ST8SIA1: variants seen among roughly 807,000 people sequenced by gnomAD.
The protein encoded by ST8SIA1 is ST8 alpha-N-acetyl-neuraminide alpha-2,8-sialyltransferase 1, also known as alpha-N-acetylneuraminide alpha-2,8-sialyltransferase.
Under a neutral mutation model 35.9 loss-of-function variants are expected in ST8SIA1, and 16 were observed. That is an observed-to-expected ratio of 0.45 (90% CI 0.30 to 0.68). The LOEUF (loss-of-function observed/expected upper bound fraction) is 0.68. ST8SIA1 is among the 30% of genes least tolerant of loss of function. The probability of loss-of-function intolerance (pLI) is 0.09; values close to 1 mark genes in which losing one functional copy is unlikely to be tolerated. For synonymous variants in ST8SIA1, 170 were observed against 169.6 expected (o/e 1.00, Z -0.02); for missense variants, 383 against 453.6 (o/e 0.84, Z 1.41).
intron 4 of ST8SIA1, among the ~76,000 whole-genome samples, chr12:22,238,893 C>T (rs753258861): frequency 1.3e-5 from 2 of 152,036 alleles, no homozygotes; most frequent in Non-Finnish European, 2.9e-5. Flanking sequence ...TTCAGATTTT[C>T]TCTCAATGAA....
chr12:22,295,780 A>G (rs1272239837), intron 1 of ST8SIA1, among the ~76,000 whole-genome samples: 1 of 152,194 alleles, frequency 6.6e-6, no homozygotes, highest in East Asian at 1.9e-4. Flanking sequence ...AAGGCTGAAC[A>G]AAGAGACCCA....
chr12:22,214,573 T>A (rs1865214275), intron 4 of ST8SIA1, among the ~76,000 whole-genome samples: 1 of 144,286 alleles, frequency 6.9e-6, no homozygotes, highest in Non-Finnish European at 1.5e-5. Context: ...CAGGCCGGAT[T>A]TGGCTTGTTG....
intron 4 of ST8SIA1, among the ~76,000 whole-genome samples, chr12:22,230,934 C>T (rs2120693111): frequency 6.6e-6 from 1 of 152,086 alleles, no homozygotes; most frequent in Non-Finnish European, 1.5e-5. Flanking sequence ...TCTCTTGGGC[C>T]ACTGCCTCTG....
chr12:22,239,131 T>C (rs1482039151), intron 4 of ST8SIA1, among the ~76,000 whole-genome samples: 6 of 152,228 alleles, frequency 3.9e-5, no homozygotes, highest in Admixed American at 3.9e-4. Context: ...TCTTTCTGTC[T>C]GCTTTTATAA....
chr12:22,252,416 T>C (rs188529732), intron 3 of ST8SIA1, among the ~76,000 whole-genome samples: 2 of 152,238 alleles, frequency 1.3e-5, no homozygotes, highest in South Asian at 2.1e-4. Context: ...GATTTATTAA[T>C]AGATCTGCAA....
intron 4 of ST8SIA1, among the ~76,000 whole-genome samples, chr12:22,236,007 T>A (rs1422539808): frequency 1.3e-5 from 2 of 152,084 alleles, no homozygotes; most frequent in African/African-American, 4.8e-5. Context: ...TAAGAGAGAA[T>A]TAAGGGGAAA....
chr12:22,235,891 A>G (rs1865471530), intron 4 of ST8SIA1, among the ~76,000 whole-genome samples: 2 of 79,622 alleles, frequency 2.5e-5, no homozygotes, highest in African/African-American at 7.3e-5. Flanking sequence ...CATTCCCTTC[A>G]CCACACACAC....
intron 1 of ST8SIA1, among the ~76,000 whole-genome samples, chr12:22,290,236 C>G (rs1475411479): frequency 6.6e-6 from 1 of 152,158 alleles, no homozygotes; most frequent in East Asian, 1.9e-4. Context: ...TCTGCCATGA[C>G]CATCTCTGGA....
chr12:22,224,975 A>C (rs761545763), intron 4 of ST8SIA1, among the ~76,000 whole-genome samples: 1 of 152,230 alleles, frequency 6.6e-6, no homozygotes, highest in Non-Finnish European at 1.5e-5. Flanking sequence ...AAGAAAAAAC[A>C]GTGACATAGA....
chr12:22,207,383 GA>G (rs1184597543), intron 4 of ST8SIA1, among the ~76,000 whole-genome samples: 1 of 152,236 alleles, frequency 6.6e-6, no homozygotes, highest in Non-Finnish European at 1.5e-5. Context: ...AGGAGCACAT[GA>G]AGAGAACTCA....
chr12:22,293,907 A>G (rs1866211424), intron 1 of ST8SIA1, among the ~76,000 whole-genome samples: 1 of 152,246 alleles, frequency 6.6e-6, no homozygotes, highest in African/African-American at 2.4e-5. Flanking sequence ...CTACATAGAA[A>G]TCAGAGAAGT....
At chr12:22,273,253 T>C (rs138877709) in intron 2 of ST8SIA1, among the ~76,000 whole-genome samples, 104 of 152,344 alleles carry the variant, frequency 6.8e-4, no homozygotes, top group African/African-American at 2.5e-3. Flanking sequence ...TTTCCTCTGA[T>C]TGATCCCCAC....
At chr12:22,264,166 T>C (rs1306115117) in intron 2 of ST8SIA1, among the ~76,000 whole-genome samples, 1 of 152,176 alleles carries the variant, frequency 6.6e-6, no homozygotes, top group Non-Finnish European at 1.5e-5. Flanking sequence ...CCCTGCCTCA[T>C]ATTTAATTAT....
At chr12:22,257,587 G>A (rs1865742827) in intron 2 of ST8SIA1, among the ~76,000 whole-genome samples, 1 of 151,748 alleles carries the variant, frequency 6.6e-6, no homozygotes, top group Admixed American at 6.6e-5. Flanking sequence ...AATTCCTGCA[G>A]GAGATGAGGT....
At chr12:22,331,068 A>G (rs1039897948) in intron 1 of ST8SIA1, among the ~76,000 whole-genome samples, 3 of 152,218 alleles carry the variant, frequency 2.0e-5, no homozygotes, top group African/African-American at 7.2e-5. Context: ...GCAGTTTGAC[A>G]AGGTTCTTCT....
At chr12:22,204,742 A>C (rs1342296659) in intron 4 of ST8SIA1, among the ~76,000 whole-genome samples, 1 of 152,204 alleles carries the variant, frequency 6.6e-6, no homozygotes, top group South Asian at 2.1e-4. Flanking sequence ...TTTTATTGAC[A>C]GTTATTATTT....
intron 1 of ST8SIA1, among the ~76,000 whole-genome samples, chr12:22,291,686 G>A (rs1866178837): frequency 6.6e-6 from 1 of 152,022 alleles, no homozygotes; most frequent in Non-Finnish European, 1.5e-5. Flanking sequence ...GCAATATAGG[G>A]GTAAACAGTG....
At chr12:22,282,372 T>A (rs1390764529) in intron 2 of ST8SIA1, among the ~76,000 whole-genome samples, 2 of 152,076 alleles carry the variant, frequency 1.3e-5, no homozygotes, top group Non-Finnish European at 2.9e-5. Flanking sequence ...AGGCAGCCCG[T>A]ATAGTTGACA....
At chr12:22,295,441 C>T (rs1866232521) in intron 1 of ST8SIA1, among the ~76,000 whole-genome samples, 1 of 152,100 alleles carries the variant, frequency 6.6e-6, no homozygotes, top group Non-Finnish European at 1.5e-5. Context: ...CATGGCAAAA[C>T]CTACATGCAG....
Sources: allele counts gnomAD v4.1 joint callset (sites outside exome capture counted in the v4.1 genomes callset), GRCh38; gene constraint gnomAD v4.1.1; transcripts MANE v1.5; gene names NCBI Gene and HGNC (gene_info 2026-07-23, HGNC 2026-07-21).